Variants in SHANK2 observed in about 807,000 individuals in gnomAD.
The protein encoded by SHANK2 is SH3 and multiple ankyrin repeat domains protein 2.
In SHANK2, 43 loss-of-function variants were observed where a neutral mutation model predicts 133.7. The observed-to-expected ratio is 0.32, with a 90% CI of 0.25 to 0.41. SHANK2 has a LOEUF of 0.41. SHANK2 is among the 10% of genes least tolerant of loss of function. The probability of loss-of-function intolerance (pLI) is 1.00; values close to 1 mark genes in which losing one functional copy is unlikely to be tolerated. For missense variants in SHANK2, 1,994 were observed against 2,235.8 expected (o/e 0.89, Z 2.18); for synonymous variants, 1,017 against 952.8 (o/e 1.07, Z -1.24).
At chr11:70,576,435 C>A (rs561274244) in intron 17 of SHANK2, among the ~76,000 whole-genome samples, 19 of 152,218 alleles carry the variant, frequency 1.2e-4, no homozygotes, top group African/African-American at 4.3e-4. Flanking sequence ...GAGATCGAGA[C>A]CATCCTGGCT....
intron 17 of SHANK2, among the ~76,000 whole-genome samples, chr11:70,556,717 G>C (rs2059836969): frequency 6.6e-6 from 1 of 151,322 alleles, no homozygotes; most frequent in African/African-American, 2.4e-5. Context: ...TCAGCCTCCT[G>C]AGTATCTGGG....
At chr11:70,517,704 G>T (rs541510847) in intron 17 of SHANK2, among the ~76,000 whole-genome samples, 1 of 152,332 alleles carries the variant, frequency 6.6e-6, no homozygotes, top group South Asian at 2.1e-4. Context: ...CAAGGGCTCA[G>T]GGGGAGGGAA....
Position 70,471,507 on chromosome 11 carries a change from G to C in SHANK2, c.*1362C>G, listed in dbSNP as rs2058598153. 1 of 398,024 alleles carries C rather than the reference G, an allele frequency of 2.5e-6. No homozygotes were observed. Among genetic ancestry groups the C allele is most frequent in the Admixed American group, 4.4e-5 (1 of 22,702 alleles). The allele number at this position is 398,024 out of a possible 1,614,324, so 24.7% of individuals were successfully genotyped here. On this transcript the variant is annotated 3_prime_UTR_variant, in exon 26 of 26. Transcript: ENST00000601538. The surrounding 1 kb of genome is among the most constrained non-coding windows in gnomAD (Gnocchi z 4.1). ...GGCGGGGCTCAAGAAAGCCTTGCCA[G>C]AGAGGCTGACCTGGCAGCCCAGGAG...
Position 71,233,544 on chromosome 11 carries a change from C to T in SHANK2, c.-112-8748G>A, listed in dbSNP as rs138541272. On this transcript the variant is annotated intron_variant, in intron 1 of 25. Transcript: ENST00000601538. ...TGGGGGAATAAACATGTTCCTAAAT[C>T]GACTCCGATGGTTGCACAATCTCCC... Among the ~76,000 whole-genome samples, 255 of 152,278 alleles carry T rather than the reference C, an allele frequency of 1.7e-3. 2 individuals are homozygous for T. Among genetic ancestry groups the T allele is most frequent in the African/African-American group, 5.9e-3 (245 of 41,552 alleles).
chr11:71,069,003 A>C, intron 9 of SHANK2, among the ~76,000 whole-genome samples: 1 of 146,644 alleles, frequency 6.8e-6, no homozygotes, highest in South Asian at 2.2e-4. Context: ...ACTATCAACC[A>C]CTACCATCAT....
At chr11:70,788,485 C>A (rs935264386) in intron 14 of SHANK2, among the ~76,000 whole-genome samples, 1 of 152,180 alleles carries the variant, frequency 6.6e-6, no homozygotes, top group African/African-American at 2.4e-5. Context: ...CTTTGTCCAG[C>A]GCACTCCTGC....
intron 13 of SHANK2, among the ~76,000 whole-genome samples, chr11:70,800,352 G>A (rs782077146): frequency 7.9e-5 from 12 of 152,188 alleles, no homozygotes; most frequent in Admixed American, 1.3e-4. Context: ...TTTGGTGCTG[G>A]GCCAGGGATG....
Position 70,818,722 on chromosome 11 carries a change from C to T in SHANK2, c.1493+1642G>A, listed in dbSNP as rs1476442222. Among the ~76,000 whole-genome samples the T allele has an allele frequency of 4.6e-5, 7 of 152,172 alleles. No homozygotes were observed. In the South Asian group the frequency reaches 1.4e-3, roughly 32 times the overall value. ...GGCTCTGGTGGGAAGCGTCTGTGGG[C>T]TAAAGGCCAAAGCGTTGAGAGGACG... is the stretch of plus-strand genomic sequence containing the variant. On this transcript the variant is annotated intron_variant, in intron 12 of 25. Coordinates refer to ENST00000601538, the MANE Select transcript of SHANK2 (RefSeq NM_012309.5).
At chr11:70,515,577 C>T (rs958403132) in intron 17 of SHANK2, among the ~76,000 whole-genome samples, 16 of 133,434 alleles carry the variant, frequency 1.2e-4, no homozygotes, top group South Asian at 2.5e-4. Flanking sequence ...TGGGGTGGGA[C>T]GATTGCTTGA....
At chr11:71,099,118 C>T (rs2135152898) in intron 6 of SHANK2, among the ~76,000 whole-genome samples, 1 of 152,232 alleles carries the variant, frequency 6.6e-6, no homozygotes, top group African/African-American at 2.4e-5. Flanking sequence ...AAGCACCTGA[C>T]CAGTCCTCCT....
intron 11 of SHANK2, among the ~76,000 whole-genome samples, chr11:70,829,253 G>C (rs1948691369): frequency 6.6e-6 from 1 of 152,190 alleles, no homozygotes; most frequent in Non-Finnish European, 1.5e-5. Flanking sequence ...ATCTAAACCA[G>C]AGAAAAACCC....
chr11:70,683,509 A>C (rs542573820), intron 15 of SHANK2, among the ~76,000 whole-genome samples: 1 of 152,314 alleles, frequency 6.6e-6, no homozygotes, highest in Non-Finnish European at 1.5e-5. Context: ...TCCTGTGGAC[A>C]CTGTAACAAA....
rs1953409153 is a variant in SHANK2 at position 71,175,362 on chromosome 11, C to A, written c.-12-28024G>T. Reference sequence around the variant, plus strand: ...CACAGAGGTGGTGTCAGTGAGAAACCAAGGCTGCTGCTGGGTGGTCCTGTG... The same window carrying A: ...CACAGAGGTGGTGTCAGTGAGAAACAAAGGCTGCTGCTGGGTGGTCCTGTG... On this transcript the variant is annotated intron_variant, in intron 2 of 25. Transcript: ENST00000601538. This position sits in a 1 kb window ranked among gnomAD's most constrained non-coding sequence, Gnocchi z 4.2. Among the ~76,000 whole-genome samples the A allele has an allele frequency of 6.6e-6, 1 of 152,028 alleles. No homozygotes were observed. Among genetic ancestry groups the A allele is most frequent in the African/African-American group, 2.4e-5 (1 of 41,392 alleles).
At chr11:70,785,515 G>A (rs546692609) in intron 14 of SHANK2, among the ~76,000 whole-genome samples, 14 of 152,282 alleles carry the variant, frequency 9.2e-5, no homozygotes, top group Admixed American at 5.9e-4. Flanking sequence ...TCCATCACCC[G>A]CTCAGTGGAG....
At chr11:70,937,315 G>A (rs1306909990) in intron 10 of SHANK2, among the ~76,000 whole-genome samples, 1 of 152,230 alleles carries the variant, frequency 6.6e-6, no homozygotes, top group African/African-American at 2.4e-5. Flanking sequence ...CCCAAGTCAT[G>A]TGGTAACAGG....
intron 14 of SHANK2, among the ~76,000 whole-genome samples, chr11:70,770,130 A>T (rs1555042381): frequency 6.6e-6 from 1 of 152,174 alleles, no homozygotes; most frequent in African/African-American, 2.4e-5. Context: ...TACCCTTCTC[A>T]GCTGAGTATG....
chr11:70,707,297 G>C (rs1223184185), intron 14 of SHANK2, among the ~76,000 whole-genome samples: 1 of 147,998 alleles, frequency 6.8e-6, no homozygotes, highest in African/African-American at 2.5e-5. Context: ...GCCTGAACCC[G>C]AGAGGTGGAG....
In SHANK2 at chr11:70,631,408, A is replaced by C. The variant is rs184014740; in HGVS notation, c.2061+28420T>G. ...CACACACACACACACACACACACACACCCACACAACCTCCCTCCCACCTGC... is the reference window on the plus strand; with the variant it reads ...CACACACACACACACACACACACACCCCCACACAACCTCCCTCCCACCTGC... On this transcript the variant is annotated intron_variant, in intron 17 of 25. Transcript: ENST00000601538. Among the ~76,000 whole-genome samples, 554 of 148,906 alleles carry C rather than the reference A, an allele frequency of 3.7e-3. 3 individuals are homozygous for C. The highest frequency in any genetic ancestry group is 0.013 in the African/African-American group (521 of 40,332).
At chr11:70,812,590 T>A (rs1271923338) in intron 12 of SHANK2, among the ~76,000 whole-genome samples, 1 of 152,190 alleles carries the variant, frequency 6.6e-6, no homozygotes, top group Non-Finnish European at 1.5e-5. Flanking sequence ...GTCTTATCCT[T>A]GTGATGTCTC....
Sources: allele counts gnomAD v4.1 joint callset (sites outside exome capture counted in the v4.1 genomes callset), GRCh38; gene constraint gnomAD v4.1.1; non-coding constraint Gnocchi (gnomAD v3.1); transcripts MANE v1.5; gene names NCBI Gene and HGNC (gene_info 2026-07-23, HGNC 2026-07-21).